Variants in CCN4 observed in about 807,000 individuals in gnomAD.
CCN4 encodes the protein CCN family member 4.
A neutral mutation model predicts 36.7 loss-of-function variants in CCN4; 30 were observed. The observed-to-expected ratio is 0.82, with a 90% CI of 0.61 to 1.11. The LOEUF is 1.11. Ranked by LOEUF, CCN4 falls within the 50% of genes least tolerant of loss-of-function variation. The pLI is 0.00. For synonymous variants in CCN4, 191 were observed against 195.4 expected (o/e 0.98, Z 0.19); for missense variants, 505 against 504.9 (o/e 1.00, Z 0.00).
In CCN4 at chr8:133,227,412, C is replaced by T; in HGVS notation, c.806C>T (p.Ala269Val). The T allele has an allele frequency of 6.2e-7, 1 of 1,604,456 alleles. No homozygotes were observed. Among genetic ancestry groups the T allele is most frequent in the Non-Finnish European group, 8.5e-7 (1 of 1,173,944 alleles). Residue 269 changes from alanine to valine, a missense_variant and splice_region_variant, in exon 5 of 5, where the codon GCA becomes GTA. Transcript: ENST00000250160. The stretch of plus-strand genomic sequence containing the variant: ...GAAAGCTCCTTTCCTTTCCTTCAGG[C>T]AGGGAAGAAGTGTCTGGCTGTGTAC... ...CDVDIHTLIK[A>V]GKKCLAVYQP...
chr8:133,204,945 GC>G (rs1203603674), intron 1 of CCN4, among the ~76,000 whole-genome samples: 1 of 152,228 alleles, frequency 6.6e-6, no homozygotes, highest in Non-Finnish European at 1.5e-5. Flanking sequence ...CAATGCCCAG[GC>G]TCCTCCCAGG....
rs745688283 is a variant in CCN4 at position 133,227,719 on chromosome 8, A to C, written c.*9A>C. On this transcript the variant is annotated 3_prime_UTR_variant, in exon 5 of 5. Transcript: ENST00000250160. ...CAGAAATTGCCAACTAGGCAGGCAC[A>C]AATCTTGGGTCTTGGGGACTAACCC... 1.9e-6 allele frequency: 3 copies of C among 1,608,866 alleles called. No individual in the cohort carries two copies. Among genetic ancestry groups the C allele is most frequent in the Admixed American group, 1.7e-5 (1 of 59,796 alleles).
In CCN4 at chr8:133,213,114, GC is replaced by G; in HGVS notation, c.323del (p.Pro108ArgfsTer5). ...CTCTACTGTGACTACAGCGGGGACCGCCCGAGGTACGCAATAGGAGTGTGTG... is the reference window on the plus strand; with the variant it reads ...CTCTACTGTGACTACAGCGGGGACCGCCGAGGTACGCAATAGGAGTGTGTG... ...RGLYCDYSGD[R>X]PRYAIGVCAQ... is the part of the protein sequence containing the mutation. On this transcript the variant is annotated frameshift_variant, in exon 2 of 5. Transcript: ENST00000250160. LOFTEE classifies it high-confidence loss of function. The G allele has an allele frequency of 6.2e-7, 1 of 1,612,768 alleles. No homozygotes were observed. The highest frequency in any genetic ancestry group is 1.1e-5 in the South Asian group (1 of 91,022).
At chr8:133,217,936 CCACA>C (rs58105917) in intron 2 of CCN4, among the ~76,000 whole-genome samples, 1 of 144,424 alleles carries the variant, frequency 6.9e-6, no homozygotes, top group Non-Finnish European at 1.5e-5. Context: ...ACTCCCTTCT[CCACA>C]CACACACACA....
intron 1 of CCN4, among the ~76,000 whole-genome samples, chr8:133,202,443 A>G (rs1291730191): frequency 6.6e-6 from 1 of 152,194 alleles, no homozygotes; most frequent in Non-Finnish European, 1.5e-5. Context: ...GATGCTTTAT[A>G]TACAGATTGA....
At chr8:133,221,399 A>C (rs755792507) in intron 3 of CCN4, among the ~76,000 whole-genome samples, 5 of 152,222 alleles carry the variant, frequency 3.3e-5, no homozygotes, top group Non-Finnish European at 7.3e-5. Context: ...AATGTTTGTC[A>C]TACTGATGGG....
intron 1 of CCN4, among the ~76,000 whole-genome samples, chr8:133,195,817 G>C (rs1853361553): frequency 6.6e-6 from 1 of 152,216 alleles, no homozygotes; most frequent in Admixed American, 6.5e-5. Flanking sequence ...TGCCAGCAAA[G>C]CACCCACATG....
At chr8:133,202,482 T>A (rs1328445944) in intron 1 of CCN4, among the ~76,000 whole-genome samples, 1 of 152,186 alleles carries the variant, frequency 6.6e-6, no homozygotes, top group Non-Finnish European at 1.5e-5. Context: ...AGTGAACACA[T>A]GGACTAGGGC....
In CCN4 at chr8:133,191,166, A is replaced by G. The variant is rs145302227; in HGVS notation, c.22A>G (p.Thr8Ala). 1 of 1,606,494 alleles carries G rather than the reference A, an allele frequency of 6.2e-7. No homozygotes were observed. Among genetic ancestry groups the G allele is most frequent in the African/African-American group, 1.3e-5 (1 of 74,950 alleles). Residue 8 changes from threonine (T) to alanine (A), a missense_variant, in exon 1 of 5, where the codon ACG becomes GCG. Transcript: ENST00000250160. ...AGGCATGAGGTGGTTCCTGCCCTGG[A>G]CGCTGGCAGCAGTGACAGCAGCAGC... is the stretch of plus-strand genomic sequence containing the variant. MRWFLPW[T>A]LAAVTAAAAS...
Position 133,230,007 on chromosome 8 carries a change from A to G in CCN4, c.*2297A>G, listed in dbSNP as rs889465185. The G allele has an allele frequency of 6.6e-6, 1 of 152,268 alleles. No individual in the cohort carries two copies. The allele number at this position is 152,268 out of a possible 1,614,324, so 9.4% of individuals were successfully genotyped here. ...TAACAGCTCACTCCATTTGAAATTC[A>G]GTGGAAACCCAAGAGCTAGGTTCTT... On this transcript the variant is annotated 3_prime_UTR_variant, in exon 5 of 5. Transcript: ENST00000250160.
In CCN4 at chr8:133,231,311, T is replaced by C. The variant is rs796103871; in HGVS notation, c.*3601T>C. The C allele has an allele frequency of 4.6e-5, 7 of 152,326 alleles. No homozygotes were observed. In the East Asian group the frequency reaches 7.7e-4, roughly 17 times the overall value. 9.4% of individuals were successfully genotyped at this position (152,326 alleles called of 1,614,324 possible). ...ATCATAAGTCAACTATGTATCCCTG[T>C]GTGTGTATATATATGTATGTATGTA... On this transcript the variant is annotated 3_prime_UTR_variant, in exon 5 of 5. Transcript: ENST00000250160.
chr8:133,223,015 G>A (rs189194152), intron 3 of CCN4, among the ~76,000 whole-genome samples: 10 of 152,000 alleles, frequency 6.6e-5, no homozygotes, highest in Admixed American at 2.6e-4. Context: ...AGAAGCGCCC[G>A]CTCCCTCAGA....
At chr8:133,207,159 C>G (rs1361496506) in intron 1 of CCN4, among the ~76,000 whole-genome samples, 1 of 152,362 alleles carries the variant, frequency 6.6e-6, no homozygotes, top group Middle Eastern at 3.4e-3. Context: ...CACCGGCTCT[C>G]CAGGAGAAGT....
chr8:133,210,894 G>A (rs1422881399), intron 1 of CCN4, among the ~76,000 whole-genome samples: 1 of 152,200 alleles, frequency 6.6e-6, no homozygotes, highest in Non-Finnish European at 1.5e-5. Flanking sequence ...AGATAGGAAG[G>A]GCCTCTCAGC....
At chr8:133,219,084 C>T (rs1036465538) in intron 2 of CCN4, among the ~76,000 whole-genome samples, 1 of 152,158 alleles carries the variant, frequency 6.6e-6, no homozygotes. Context: ...CTACCTTTGC[C>T]CTCTGACTCA....
intron 1 of CCN4, among the ~76,000 whole-genome samples, chr8:133,205,640 T>A: frequency 6.6e-6 from 1 of 152,170 alleles, no homozygotes. Context: ...TGCCTGTGGC[T>A]GGGGAAAACA....
chr8:133,229,491 A>G lies in CCN4; in HGVS notation c.*1781A>G, dbSNP rs1340830703. On this transcript the variant is annotated 3_prime_UTR_variant, in exon 5 of 5. Transcript: ENST00000250160. ...CTCTTTCCCATCGGAACCAGCTCTC[A>G]TCACACATTTAAAAGATGATTCTGT... The G allele has an allele frequency of 1.3e-5, 2 of 152,256 alleles. 1 individual carries two copies. The highest frequency in any genetic ancestry group is 2.9e-5 in the Non-Finnish European group (2 of 68,046). The allele number at this position is 152,256 out of a possible 1,614,324, so 9.4% of individuals were successfully genotyped here. A position where few individuals can be genotyped will look rare whatever the true frequency, so the allele number is the denominator to read the frequency against.
chr8:133,204,379 T>C (rs1853692285), intron 1 of CCN4, among the ~76,000 whole-genome samples: 1 of 152,162 alleles, frequency 6.6e-6, no homozygotes, highest in Non-Finnish European at 1.5e-5. Context: ...TGGGTGTGGG[T>C]TGTACAAAAG....
rs763087066 is a variant in CCN4, at chr8:133,212,977, C to G, written c.183C>G (p.Arg61=). The G allele has an allele frequency of 1.2e-6, 2 of 1,614,168 alleles. No individual in the cohort carries two copies. Among genetic ancestry groups the G allele is most frequent in the Non-Finnish European group, 1.7e-6 (2 of 1,180,010 alleles). The change falls in exon 2 of 5, where the codon CGC becomes CGG. Residue 61 remains arginine (R), a synonymous_variant. Transcript: ENST00000250160. ...WPCECPPSPP[R]CPLGVSLITD... ...GTGAGTGCCCGCCATCCCCACCCCG[C>G]TGCCCGCTGGGGGTCAGCCTCATCA...
Sources: gnomAD v4.1 joint callset for allele counts (sites outside exome capture counted in the v4.1 genomes callset) on GRCh38, gnomAD v4.1.1 for gene constraint, MANE v1.5 for transcripts, NCBI Gene and HGNC (gene_info 2026-07-23, HGNC 2026-07-21) for gene names.